PDZD2: variants seen among roughly 807,000 people sequenced by gnomAD.
The protein encoded by PDZD2 is PDZ domain containing 2.
PDZD2 carries 90 observed loss-of-function variants against 220.7 expected under a neutral mutation model. The observed-to-expected ratio is 0.41, with a 90% CI of 0.34 to 0.49. PDZD2 has a LOEUF of 0.49. Ranked by LOEUF, PDZD2 falls within the 20% of genes least tolerant of loss-of-function variation. PDZD2 has a pLI of 0.28. For missense variants in PDZD2, 3,174 were observed against 3,608.5 expected (o/e 0.88, Z 3.08); for synonymous variants, 1,375 against 1,450.5 (o/e 0.95, Z 1.18).
At chr5:31,938,274 C>G (rs545042154) in intron 2 of PDZD2, among the ~76,000 whole-genome samples, 7 of 152,302 alleles carry the variant, frequency 4.6e-5, no homozygotes, top group African/African-American at 1.4e-4. Context: ...TGGGTTGATG[C>G]AGCAAGTTAA....
chr5:32,088,283 C>CG lies in PDZD2; in HGVS notation c.4836dup (p.Ser1613GlufsTer35). On this transcript the variant is annotated frameshift_variant, in exon 20 of 25. Coordinates refer to ENST00000438447, the MANE Select transcript of PDZD2 (RefSeq NM_178140.4). LOFTEE classifies it high-confidence loss of function. This position sits in a 1 kb window ranked among gnomAD's most constrained non-coding sequence, Gnocchi z 4.6. ...ACACGTGGCTGCCCCAATCCACCCTCGAGTCCTGCTCATCTTCCCACCCAG... is the reference window on the plus strand; with the variant it reads ...ACACGTGGCTGCCCCAATCCACCCTCGGAGTCCTGCTCATCTTCCCACCCAG... 1 of 1,614,090 alleles carries CG rather than the reference C, an allele frequency of 6.2e-7. No homozygotes were observed. The highest frequency in any genetic ancestry group is 8.5e-7 in the Non-Finnish European group (1 of 1,179,988).
intron 1 of PDZD2, among the ~76,000 whole-genome samples, chr5:31,746,594 G>C (rs777762570): frequency 6.6e-6 from 1 of 152,330 alleles, no homozygotes; most frequent in Non-Finnish European, 1.5e-5. Flanking sequence ...TAAAAGGGGT[G>C]CTATTATCCA....
Position 31,799,647 on chromosome 5 carries a change from T to C in PDZD2, c.399T>C (p.Ser133=), listed in dbSNP as rs764132093. The part of the protein sequence containing the change: ...ELRKNSPAGK[S]GKVRLRDEIL... ...GGAAGAACAGCCCAGCAGGGAAGAG[T>C]GGGAAGGTCCGACTGCGGGATGAGA... The change falls in exon 2 of 25, where the codon AGT becomes AGC. Residue 133 remains serine (S), a synonymous_variant. Transcript: ENST00000438447. The C allele has an allele frequency of 6.2e-7, 1 of 1,613,184 alleles. No individual in the cohort carries two copies. The highest frequency in any genetic ancestry group is 8.5e-7 in the Non-Finnish European group (1 of 1,179,792).
intron 2 of PDZD2, among the ~76,000 whole-genome samples, chr5:31,861,943 G>A (rs561627065): frequency 7.9e-5 from 12 of 152,088 alleles, no homozygotes; most frequent in African/African-American, 2.9e-4. Flanking sequence ...TTCAAAGCCT[G>A]TTCTATACTA....
chr5:32,053,984 C>A, intron 10 of PDZD2, 101 bp downstream of exon 10: 2 of 724,732 alleles, frequency 2.8e-6, no homozygotes, highest in Non-Finnish European at 2.5e-6. Flanking sequence ...CCTAGTAGAC[C>A]TCGGCGGAAT....
At chr5:31,718,691 CTCATTTT>C (rs1748599463) in intron 1 of PDZD2, among the ~76,000 whole-genome samples, 1 of 146,954 alleles carries the variant, frequency 6.8e-6, no homozygotes, top group African/African-American at 2.5e-5. Flanking sequence ...CTGTAACAGC[CTCATTTT>C]TTTTTTTTTT....
intron 1 of PDZD2, among the ~76,000 whole-genome samples, chr5:31,648,525 C>T (rs1408719316): frequency 5.3e-5 from 8 of 152,130 alleles, no homozygotes; most frequent in Admixed American, 3.9e-4. Flanking sequence ...CTTGTTCTCC[C>T]GCCTCCACAG....
At chr5:31,749,315 G>A (rs1750792964) in intron 1 of PDZD2, among the ~76,000 whole-genome samples, 1 of 152,102 alleles carries the variant, frequency 6.6e-6, no homozygotes. Flanking sequence ...GAGTAAATAA[G>A]AAAATGAAGC....
At chr5:31,682,671 CTGTGTGTG>C (rs70955735) in intron 1 of PDZD2, among the ~76,000 whole-genome samples, 2,916 of 146,304 alleles carry the variant, frequency 0.02, 68 homozygotes, top group African/African-American at 0.058. Flanking sequence ...AGTCTTTCGG[CTGTGTGTG>C]TGTGTGTGTG....
At chr5:31,699,653 G>T (rs909889192) in intron 1 of PDZD2, among the ~76,000 whole-genome samples, 1 of 152,072 alleles carries the variant, frequency 6.6e-6, no homozygotes, top group Admixed American at 6.5e-5. Flanking sequence ...ACCCAGACTG[G>T]AGTGTAGTGG....
rs1490008452 is a variant in PDZD2 at position 31,803,107 on chromosome 5, T to C, written c.476+3383T>C. 8.0e-5 allele frequency among the ~76,000 whole-genome samples: 12 copies of C among 150,812 alleles called. No homozygotes were observed. In the East Asian group the frequency reaches 2.3e-3, roughly 29 times the overall value. On this transcript the variant is annotated intron_variant, in intron 2 of 24. Coordinates refer to ENST00000438447, the MANE Select transcript of PDZD2 (RefSeq NM_178140.4). The stretch of plus-strand genomic sequence containing the variant: ...CTTTATTTTATTTTATTTTATTTTT[T>C]TTTTTTGCAGACAGCGTCTTACTCT...
At position 31,850,082 on chromosome 5, in the gene PDZD2, A is replaced by ATAAGTATATATATGTGTATATG. The variant is rs1561507818; in HGVS notation, c.476+50370_476+50371insTGTGTATATGTAAGTATATATA. ...TATATAAGTATATATATGTGTATAT[A>ATAAGTATATATATGTGTATATG]TAAGTATATATACGTGTATATATAA... On this transcript the variant is annotated intron_variant, in intron 2 of 24. Transcript: ENST00000438447. Among the ~76,000 whole-genome samples, 139 of 138,334 alleles carry ATAAGTATATATATGTGTATATG rather than the reference A, an allele frequency of 1.0e-3. 1 individual carries two copies. Among genetic ancestry groups the ATAAGTATATATATGTGTATATG allele is most frequent in the African/African-American group, 3.4e-3 (124 of 36,782 alleles). 90.8% of individuals were successfully genotyped at this position (138,334 alleles called of 152,430 possible). A position where few individuals can be genotyped will look rare whatever the true frequency, so the allele number is the denominator to read the frequency against.
intron 2 of PDZD2, among the ~76,000 whole-genome samples, chr5:31,828,633 C>G (rs531381166): frequency 2.0e-5 from 3 of 152,180 alleles, no homozygotes; most frequent in African/African-American, 4.8e-5. Context: ...ATAGCCAGGA[C>G]TACAGGCATA....
intron 2 of PDZD2, among the ~76,000 whole-genome samples, chr5:31,871,289 ATTG>A (rs1738768684): frequency 6.6e-6 from 1 of 152,154 alleles, no homozygotes; most frequent in African/African-American, 2.4e-5. Context: ...CTGTCACCTA[ATTG>A]GGATAGTAGA....
At chr5:31,877,563 G>T (rs921354046) in intron 2 of PDZD2, among the ~76,000 whole-genome samples, 1 of 152,106 alleles carries the variant, frequency 6.6e-6, no homozygotes, top group African/African-American at 2.4e-5. Flanking sequence ...TTAAAATGCT[G>T]TACTTTGTTC....
At chr5:32,059,485 C>A in intron 13 of PDZD2, 129 bp downstream of exon 13, 1 of 475,656 alleles carries the variant, frequency 2.1e-6, no homozygotes, top group Non-Finnish European at 3.8e-6. Flanking sequence ...AGAACGTAGC[C>A]AAGACTACAA....
At chr5:31,848,469 C>T (rs1757717222) in intron 2 of PDZD2, among the ~76,000 whole-genome samples, 1 of 152,254 alleles carries the variant, frequency 6.6e-6, no homozygotes, top group Non-Finnish European at 1.5e-5. Flanking sequence ...GAACTTGGGG[C>T]CTGGCGCCGT....
In PDZD2 at chr5:32,014,296, T is replaced by C. The variant is rs990763960; in HGVS notation, c.1407+3814T>C. Among the ~76,000 whole-genome samples, 6 of 152,188 alleles carry C rather than the reference T, an allele frequency of 3.9e-5. 1 individual carries two copies. The highest frequency in any genetic ancestry group is 7.3e-5 in the Non-Finnish European group (5 of 68,034). Reference sequence around the variant, plus strand: ...AGCTGAGCAAATGCAATACAAATGCTGAGGATCTGCCATGCGTCCCCTTAT... The same window carrying C: ...AGCTGAGCAAATGCAATACAAATGCCGAGGATCTGCCATGCGTCCCCTTAT... On this transcript the variant is annotated intron_variant, in intron 6 of 24. Coordinates refer to ENST00000438447, the MANE Select transcript of PDZD2 (RefSeq NM_178140.4).
At chr5:32,051,272 A>G (rs1738514612) in intron 8 of PDZD2, among the ~76,000 whole-genome samples, 1 of 152,222 alleles carries the variant, frequency 6.6e-6, no homozygotes. Flanking sequence ...TTAAAAGGGC[A>G]GTAACCTTGC....
Sources: gnomAD v4.1 joint callset for allele counts (sites outside exome capture counted in the v4.1 genomes callset) on GRCh38, gnomAD v4.1.1 for gene constraint, Gnocchi (gnomAD v3.1) non-coding constraint, MANE v1.5 for transcripts, NCBI Gene and HGNC (gene_info 2026-07-23, HGNC 2026-07-21) for gene names.